Variants in CSMD2 observed in about 807,000 individuals in gnomAD.
CSMD2 encodes the protein CUB and Sushi multiple domains 2, also known as CUB and sushi domain-containing protein 2.
CSMD2 carries 130 observed loss-of-function variants against 398.5 expected under a neutral mutation model. That is an observed-to-expected ratio of 0.33 (90% CI 0.28 to 0.38). The LOEUF is 0.38. Ranked by LOEUF, CSMD2 falls within the 10% of genes least tolerant of loss-of-function variation. The probability of loss-of-function intolerance (pLI) is 1.00; values close to 1 mark genes in which losing one functional copy is unlikely to be tolerated. For synonymous variants in CSMD2, 1,828 were observed against 1,908.5 expected, an observed-to-expected ratio of 0.96 and a Z score of 1.10; for missense variants, 3,829 against 4,764.9, an observed-to-expected ratio of 0.80 and a Z score of 5.78.
chr1:34,131,347 A>AAGG (rs1553326828), intron 1 of CSMD2, among the ~76,000 whole-genome samples: 1 of 151,610 alleles, frequency 6.6e-6, no homozygotes, highest in Admixed American at 6.6e-5. Context: ...GGTGCAGGAG[A>AAGG]GGGGGGGGTC....
At chr1:33,627,287 G>C (rs1206749326) in intron 32 of CSMD2, among the ~76,000 whole-genome samples, 1 of 152,180 alleles carries the variant, frequency 6.6e-6, no homozygotes, top group African/African-American at 2.4e-5. Context: ...TGTAGCAGAA[G>C]ACAAAGGTAT....
At chr1:33,852,117 C>A (rs1228584154) in intron 5 of CSMD2, among the ~76,000 whole-genome samples, 1 of 151,868 alleles carries the variant, frequency 6.6e-6, no homozygotes, top group African/African-American at 2.4e-5. Context: ...TCTACACCAT[C>A]CTCCTGGTCA....
chr1:34,028,495 C>A (rs913815117), intron 3 of CSMD2, among the ~76,000 whole-genome samples: 1 of 152,122 alleles, frequency 6.6e-6, no homozygotes, highest in African/African-American at 2.4e-5. Context: ...ATGGATGACC[C>A]ACACCAGCCT....
intron 3 of CSMD2, among the ~76,000 whole-genome samples, chr1:34,025,101 TCCTAA>T: frequency 6.6e-6 from 1 of 152,168 alleles, no homozygotes; most frequent in Non-Finnish European, 1.5e-5. Flanking sequence ...TGAGGCTTGC[TCCTAA>T]CCTGCGTCTC....
chr1:33,541,947 C>T (rs1656386999), intron 58 of CSMD2, among the ~76,000 whole-genome samples: 2 of 152,114 alleles, frequency 1.3e-5, no homozygotes, highest in African/African-American at 2.4e-5. Context: ...CACAGGACTC[C>T]TAGGGACAAC....
chr1:34,045,341 G>A (rs551456079), intron 2 of CSMD2, among the ~76,000 whole-genome samples: 13 of 152,114 alleles, frequency 8.5e-5, no homozygotes, highest in Non-Finnish European at 1.9e-4. Flanking sequence ...TCAACACCCT[G>A]AAACCCAGAA....
chr1:33,850,159 C>A (rs780871790), intron 5 of CSMD2, among the ~76,000 whole-genome samples: 8 of 152,116 alleles, frequency 5.3e-5, no homozygotes, highest in Non-Finnish European at 1.0e-4. Context: ...AGGCTTTGAA[C>A]AAATGTCACC....
At chr1:33,747,548 G>C (rs1647553102) in intron 13 of CSMD2, among the ~76,000 whole-genome samples, 1 of 152,168 alleles carries the variant, frequency 6.6e-6, no homozygotes. Flanking sequence ...AAGTAGTTCA[G>C]GGAGGAAAAA....
chr1:34,062,229 C>A (rs1035917787), intron 2 of CSMD2, among the ~76,000 whole-genome samples: 2 of 152,236 alleles, frequency 1.3e-5, no homozygotes, highest in Non-Finnish European at 2.9e-5. Context: ...ACCAGACAAG[C>A]ACCCACCAGG....
At chr1:33,532,741 G>A (rs929362723) in intron 64 of CSMD2, among the ~76,000 whole-genome samples, 1 of 152,164 alleles carries the variant, frequency 6.6e-6, no homozygotes, top group African/African-American at 2.4e-5. Context: ...GTTTTATCAA[G>A]GGTGCAATAT....
intron 10 of CSMD2, among the ~76,000 whole-genome samples, chr1:33,805,401 T>A (rs1188419418): frequency 1.3e-5 from 2 of 152,228 alleles, no homozygotes. Flanking sequence ...TGTAAAATGT[T>A]GTGCAGAGGA....
In CSMD2 at chr1:33,635,085, T is replaced by G; in HGVS notation, c.5086+129A>C. 4.7e-6 allele frequency: 3 copies of G among 634,704 alleles called. No homozygotes were observed. The highest frequency in any genetic ancestry group is 3.5e-5 in the South Asian group (2 of 56,348). The allele number at this position is 634,704 out of a possible 1,614,324, so 39.3% of individuals were successfully genotyped here. A position where few individuals can be genotyped will look rare whatever the true frequency, so the allele number is the denominator to read the frequency against. On this transcript the variant is annotated intron_variant, in intron 31 of 70. Coordinates refer to ENST00000373381, the MANE Select transcript of CSMD2 (RefSeq NM_001281956.2). The surrounding 1 kb of genome is among the most constrained non-coding windows in gnomAD (Gnocchi z 5.0). ...GAAACGTCAGCACTCGGCCGTCCTT[T>G]TGGGGAGACTGTTCTGCGATTCCCA...
chr1:33,695,270 A>C (rs1307644997), intron 24 of CSMD2, among the ~76,000 whole-genome samples: 1 of 152,112 alleles, frequency 6.6e-6, no homozygotes, highest in Non-Finnish European at 1.5e-5. Context: ...AGGTTGAAGG[A>C]CCTTGGATAC....
chr1:33,692,119 T>C (rs992723750), intron 25 of CSMD2, among the ~76,000 whole-genome samples: 2 of 152,222 alleles, frequency 1.3e-5, no homozygotes, highest in African/African-American at 4.8e-5. Flanking sequence ...TGCCTATTTG[T>C]TATTAGGGCT....
intron 3 of CSMD2, among the ~76,000 whole-genome samples, chr1:33,976,795 T>C (rs189511462): frequency 1.9e-3 from 283 of 152,236 alleles, no homozygotes; most frequent in Admixed American, 5.2e-3. Flanking sequence ...ACATTCCTCT[T>C]TGGGCTGTTT....
intron 5 of CSMD2, among the ~76,000 whole-genome samples, chr1:33,902,492 C>T (rs998264140): frequency 5.3e-5 from 8 of 152,272 alleles, no homozygotes; most frequent in East Asian, 3.9e-4. Context: ...TAAAAATCAC[C>T]GATGCCTGGG....
intron 3 of CSMD2, among the ~76,000 whole-genome samples, chr1:33,966,425 T>A (rs1317622024): frequency 6.6e-6 from 1 of 152,234 alleles, no homozygotes; most frequent in Non-Finnish European, 1.5e-5. Flanking sequence ...GAGGCTGGCA[T>A]GTGAGGGAGA....
chr1:33,602,439 T>A lies in CSMD2; in HGVS notation c.6640A>T (p.Ile2214Phe). The change falls in exon 43 of 71, where the codon ATT becomes TTT. Residue 2214 changes from isoleucine to phenylalanine, a missense_variant. By Grantham distance (21) the Ile-to-Phe change is conservative (BLOSUM62 0). Around this residue, in one of 5 missense-constraint regions of CSMD2, gnomAD observed 723 missense variants for 758.6 expected, o/e 0.95. Transcript: ENST00000373381. ...QDCVWLITVP[I>F]GHGVRLNLSL... Reference sequence around the variant, plus strand: ...AGGTTGAGGCGGACGCCATGGCCAATGGGCACGGTGATCAGCCAGACACAG... The same window carrying A: ...AGGTTGAGGCGGACGCCATGGCCAAAGGGCACGGTGATCAGCCAGACACAG... 1 of 1,613,784 alleles carries A rather than the reference T, an allele frequency of 6.2e-7. No individual in the cohort carries two copies. The highest frequency in any genetic ancestry group is 8.5e-7 in the Non-Finnish European group (1 of 1,179,932).
At chr1:33,814,386 T>TA (rs1263975679) in intron 9 of CSMD2, among the ~76,000 whole-genome samples, 1 of 152,202 alleles carries the variant, frequency 6.6e-6, no homozygotes, top group Non-Finnish European at 1.5e-5. Flanking sequence ...CCAGTGACCC[T>TA]ACCATTTATC....
Sources: allele counts gnomAD v4.1 joint callset (sites outside exome capture counted in the v4.1 genomes callset), GRCh38; gene constraint gnomAD v4.1.1; regional missense constraint gnomAD v4.1.1; non-coding constraint Gnocchi (gnomAD v3.1); transcripts MANE v1.5; gene names NCBI Gene and HGNC (gene_info 2026-07-23, HGNC 2026-07-21).